Variants in DPP10 observed in about 807,000 individuals in gnomAD.
DPP10 encodes the protein dipeptidyl peptidase like 10.
DPP10 carries 33 observed loss-of-function variants against 120.9 expected under a neutral mutation model. That is an observed-to-expected ratio of 0.27 (90% CI 0.21 to 0.37). The LOEUF (loss-of-function observed/expected upper bound fraction) is 0.37, where lower values mean the gene tolerates loss of function less well. Among genes scored for constraint, DPP10 ranks in the 10% least tolerant of loss-of-function variants. The pLI is 1.00. For synonymous variants in DPP10, 337 were observed against 326.1 expected, an observed-to-expected ratio of 1.03 and a Z score of -0.36; for missense variants, 816 against 942.8, an observed-to-expected ratio of 0.87 and a Z score of 1.76.
chr2:115,793,967 A>G (rs990426911), intron 19 of DPP10, among the ~76,000 whole-genome samples: 1 of 152,188 alleles, frequency 6.6e-6, no homozygotes, highest in African/African-American at 2.4e-5. Flanking sequence ...GCAAAAGTAG[A>G]AAGTGTTTTT....
At chr2:114,953,419 G>T (rs1192868561) in intron 1 of DPP10, among the ~76,000 whole-genome samples, 1 of 152,044 alleles carries the variant, frequency 6.6e-6, no homozygotes, top group Non-Finnish European at 1.5e-5. Flanking sequence ...CTTCAAATCT[G>T]ACTTTTTGTT....
intron 1 of DPP10, among the ~76,000 whole-genome samples, chr2:114,657,168 C>A (rs141417806): frequency 6.6e-6 from 1 of 152,016 alleles, no homozygotes; most frequent in Non-Finnish European, 1.5e-5. Context: ...TTTTAAGATC[C>A]AAAAGATATA....
intron 2 of DPP10, among the ~76,000 whole-genome samples, chr2:115,340,746 A>C (rs754252010): frequency 1.3e-5 from 2 of 151,544 alleles, no homozygotes; most frequent in African/African-American, 4.8e-5. Context: ...GCATGCATAT[A>C]AAAGAAATTT....
intron 12 of DPP10, among the ~76,000 whole-genome samples, chr2:115,764,417 A>G (rs577704115): frequency 1.3e-5 from 2 of 152,040 alleles, no homozygotes; most frequent in Non-Finnish European, 2.9e-5. Flanking sequence ...CAATGTACAA[A>G]ATAAAATAGA....
rs193049839 is a variant in DPP10 at position 114,757,667 on chromosome 2, G to C, written c.60+314829G>C. Among the ~76,000 whole-genome samples, 105 of 152,190 alleles carry C rather than the reference G, an allele frequency of 6.9e-4. 2 individuals are homozygous for C. The highest frequency in any genetic ancestry group is 2.4e-3 in the African/African-American group (100 of 41,524). On this transcript the variant is annotated intron_variant, in intron 1 of 25. Coordinates refer to ENST00000410059, the MANE Select transcript of DPP10 (RefSeq NM_020868.6). ...CAAATATATATAACAGAAATTAGTAGCCTTAAGTGTGGTCCCCTGACCAAC... is the reference window on the plus strand; with the variant it reads ...CAAATATATATAACAGAAATTAGTACCCTTAAGTGTGGTCCCCTGACCAAC...
At chr2:115,221,449 T>C (rs1455582227) in intron 1 of DPP10, among the ~76,000 whole-genome samples, 1 of 152,084 alleles carries the variant, frequency 6.6e-6, no homozygotes, top group African/African-American at 2.4e-5. Context: ...GAATATAAGT[T>C]AAGGATGGTT....
chr2:115,387,386 C>T (rs2067017958), intron 3 of DPP10, among the ~76,000 whole-genome samples: 1 of 152,150 alleles, frequency 6.6e-6, no homozygotes. Context: ...AAAGAAATTA[C>T]AGAGATTTAC....
At chr2:114,944,796 T>C (rs1484307292) in intron 1 of DPP10, among the ~76,000 whole-genome samples, 1 of 152,182 alleles carries the variant, frequency 6.6e-6, no homozygotes, top group Admixed American at 6.5e-5. Flanking sequence ...AGGATTTTTT[T>C]TGTTAGACTT....
chr2:114,894,710 C>G (rs576857311), intron 1 of DPP10, among the ~76,000 whole-genome samples: 1 of 152,168 alleles, frequency 6.6e-6, no homozygotes, highest in African/African-American at 2.4e-5. Context: ...GCAAAACCTA[C>G]TTAATAAATG....
chr2:115,100,569 T>C lies in DPP10; in HGVS notation c.61-208670T>C, dbSNP rs1474137656. ...GTATGTGTGTATGTACATGTGTGTG[T>C]GTATGTGTGTGTGTGTGTATATATG... is the stretch of plus-strand genomic sequence containing the variant. On this transcript the variant is annotated intron_variant, in intron 1 of 25. Transcript: ENST00000410059. Among the ~76,000 whole-genome samples, 4 of 152,052 alleles carry C rather than the reference T, an allele frequency of 2.6e-5. 1 individual carries two copies. The East Asian group carries it at 5.8e-4, about 22-fold the overall frequency.
intron 2 of DPP10, among the ~76,000 whole-genome samples, chr2:115,329,185 G>C (rs554861621): frequency 6.6e-6 from 1 of 152,146 alleles, no homozygotes; most frequent in South Asian, 2.1e-4. Flanking sequence ...TTTGTCAGCT[G>C]TCCTCCTCAT....
chr2:115,039,861 G>A (rs1319301569), intron 1 of DPP10, among the ~76,000 whole-genome samples: 1 of 151,914 alleles, frequency 6.6e-6, no homozygotes, highest in African/African-American at 2.4e-5. Context: ...GGATTACAGG[G>A]GTGAAACACC....
chr2:115,641,949 G>A (rs1006376913), intron 5 of DPP10, among the ~76,000 whole-genome samples: 7 of 152,088 alleles, frequency 4.6e-5, no homozygotes, highest in African/African-American at 1.7e-4. Context: ...TCTGCCTTAA[G>A]CAGAAAGCTC....
intron 1 of DPP10, among the ~76,000 whole-genome samples, chr2:115,210,939 G>C (rs1390481272): frequency 3.3e-5 from 5 of 151,982 alleles, no homozygotes; most frequent in Non-Finnish European, 7.4e-5. Context: ...ATGATACAGA[G>C]AGGAAGATCA....
chr2:114,597,609 T>C (rs1339241382), intron 1 of DPP10, among the ~76,000 whole-genome samples: 2 of 151,996 alleles, frequency 1.3e-5, no homozygotes, highest in Non-Finnish European at 2.9e-5. Context: ...TTGTTCAACG[T>C]TTCAGTCACT....
At chr2:114,489,231 C>T (rs1047901347) in intron 1 of DPP10, among the ~76,000 whole-genome samples, 1 of 152,152 alleles carries the variant, frequency 6.6e-6, no homozygotes. Context: ...TATTCATCCC[C>T]TTCTTCTCTC....
intron 1 of DPP10, among the ~76,000 whole-genome samples, chr2:115,240,376 T>A (rs891978261): frequency 2.0e-5 from 3 of 152,232 alleles, no homozygotes; most frequent in African/African-American, 7.2e-5. Context: ...TTTTTTCATA[T>A]GTTTGTTGAC....
chr2:115,493,592 A>G (rs2076238925), intron 3 of DPP10, among the ~76,000 whole-genome samples: 1 of 152,074 alleles, frequency 6.6e-6, no homozygotes, highest in Non-Finnish European at 1.5e-5. Context: ...AAGAGCATAT[A>G]GAAAAATTTG....
At chr2:114,592,492 T>A (rs963861835) in intron 1 of DPP10, among the ~76,000 whole-genome samples, 1 of 152,166 alleles carries the variant, frequency 6.6e-6, no homozygotes, top group Non-Finnish European at 1.5e-5. Context: ...GAGTTAAGTC[T>A]TTAGTGTTAA....
Sources: allele counts gnomAD v4.1 joint callset (sites outside exome capture counted in the v4.1 genomes callset), GRCh38; gene constraint gnomAD v4.1.1; transcripts MANE v1.5; gene names NCBI Gene and HGNC (gene_info 2026-07-23, HGNC 2026-07-21).